The following SLC25A42 variants were observed in gnomAD, a reference collection of about 807,000 sequenced individuals.
SLC25A42 encodes the protein solute carrier family 25 member 42.
In SLC25A42, 19 loss-of-function variants were observed where a neutral mutation model predicts 34.7. That is an observed-to-expected ratio of 0.55 (90% CI 0.38 to 0.80). The LOEUF (loss-of-function observed/expected upper bound fraction) is 0.80. SLC25A42 is among the 30% of genes least tolerant of loss of function. The pLI, the probability that SLC25A42 is intolerant of heterozygous loss-of-function variation, is 0.00. For missense variants in SLC25A42, 364 were observed against 441.3 expected, an observed-to-expected ratio of 0.82 and a Z score of 1.57; for synonymous variants, 205 against 191.2, an observed-to-expected ratio of 1.07 and a Z score of -0.59.
chr19:19,098,013 A>G (rs1177457082), intron 2 of SLC25A42, among the ~76,000 whole-genome samples: 2 of 151,686 alleles, frequency 1.3e-5, no homozygotes, highest in Non-Finnish European at 2.9e-5. Flanking sequence ...TATGGCCAAC[A>G]TGCATCCCAT....
Position 19,112,416 on chromosome 19 carries a change from CT to C in SLC25A42, c.*1541del, listed in dbSNP as rs1455475906. ...GGCAGCCTGTGATGGCTGTGAGGGG[CT>C]GTCCCACTGTGTGGGTATCCCTTAC... On this transcript the variant is annotated 3_prime_UTR_variant, in exon 8 of 8. Transcript: ENST00000318596. The surrounding 1 kb of genome is among the most constrained non-coding windows in gnomAD (Gnocchi z 4.3). The C allele has an allele frequency of 2.6e-5, 4 of 152,356 alleles. No individual in the cohort carries two copies. The highest frequency in any genetic ancestry group is 2.6e-4 in the Admixed American group (4 of 15,270). The allele number at this position is 152,356 out of a possible 1,614,324, so 9.4% of individuals were successfully genotyped here. A position where few individuals can be genotyped will look rare whatever the true frequency, so the allele number is the denominator to read the frequency against.
chr19:19,091,444 A>G (rs919057265), intron 1 of SLC25A42, among the ~76,000 whole-genome samples: 2 of 151,928 alleles, frequency 1.3e-5, no homozygotes, highest in African/African-American at 4.8e-5. Context: ...GGCAACAAGC[A>G]TGAAACTCTG....
In SLC25A42 at chr19:19,096,147, G is replaced by A. The variant is rs1223416165; in HGVS notation, c.23G>A (p.Gly8Asp). The change falls in exon 2 of 8, where the codon GGC becomes GAC. Residue 8 changes from glycine (G) to aspartate (D), a missense_variant. By Grantham distance (94) the Gly-to-Asp change is moderately conservative (BLOSUM62 -1). Coordinates refer to ENST00000318596, the MANE Select transcript of SLC25A42 (RefSeq NM_178526.5). Reference sequence around the variant, plus strand: ...GGTATGGGTAATGGTGTGAAGGAAGGCCCGGTGCGATTGCATGAGGATGCT... The same window carrying A: ...GGTATGGGTAATGGTGTGAAGGAAGACCCGGTGCGATTGCATGAGGATGCT... MGNGVKE[G>D]PVRLHEDAEA... 6.2e-7 allele frequency: 1 copy of A among 1,613,746 alleles called. No individual in the cohort carries two copies.
chr19:19,072,793 C>T (rs1256122110), intron 1 of SLC25A42, among the ~76,000 whole-genome samples: 1 of 152,118 alleles, frequency 6.6e-6, no homozygotes, highest in Non-Finnish European at 1.5e-5. Flanking sequence ...ATCTTCCCAC[C>T]TCAACCTCCT....
chr19:19,106,297 GCCGGCGCAC>G lies in SLC25A42; in HGVS notation c.410_418del (p.Ala137_Leu140delinsVal). On this transcript the variant is annotated inframe_deletion, in exon 6 of 8. Transcript: ENST00000318596. The stretch of plus-strand genomic sequence containing the variant: ...CCTGCCCCCTTGGCCTCGCCTCTTC[GCCGGCGCAC>G]TGGCTGGAACGACAGCCGCTTCACT... The G allele has an allele frequency of 1.2e-6, 2 of 1,612,804 alleles. No homozygotes were observed. Among genetic ancestry groups the G allele is most frequent in the Non-Finnish European group, 1.7e-6 (2 of 1,179,922 alleles).
intron 1 of SLC25A42, among the ~76,000 whole-genome samples, chr19:19,067,817 C>T (rs564268834): frequency 1.3e-5 from 2 of 151,590 alleles, no homozygotes; most frequent in South Asian, 2.1e-4. Flanking sequence ...GAAGCTGTTT[C>T]GAGACTCTCT....
intron 3 of SLC25A42, among the ~76,000 whole-genome samples, chr19:19,102,860 AG>A (rs2059805793): frequency 6.6e-6 from 1 of 152,150 alleles, no homozygotes; most frequent in Non-Finnish European, 1.5e-5. Flanking sequence ...CTCAAACAAC[AG>A]GAATTTCTTC....
chr19:19,096,254 T>TGGGGCCCCCCCC, intron 2 of SLC25A42, 49 bp downstream of exon 2: 4 of 1,456,604 alleles, frequency 2.7e-6, no homozygotes, highest in East Asian at 2.4e-5. Context: ...GGCCCCAGCC[T>TGGGGCCCCCCCC]CCCCACCCCC....
chr19:19,103,713 T>C (rs529441867), intron 3 of SLC25A42, among the ~76,000 whole-genome samples: 4 of 152,238 alleles, frequency 2.6e-5, no homozygotes, highest in African/African-American at 7.2e-5. Flanking sequence ...GCCCCTCAGC[T>C]GTTTGGGAAG....
intron 6 of SLC25A42, 121 bp from the exon 7 acceptor site, chr19:19,107,773 A>T (rs561679300): frequency 1.1e-6 from 1 of 918,484 alleles, no homozygotes; most frequent in South Asian, 1.5e-5. Flanking sequence ...GAAGAAGGAA[A>T]ACATCAACAT....
rs1320177145 is a variant in SLC25A42, at chr19:19,081,927, C to T, written c.-34-14164C>T. On this transcript the variant is annotated intron_variant, in intron 1 of 7. Coordinates refer to ENST00000318596, the MANE Select transcript of SLC25A42 (RefSeq NM_178526.5). The surrounding 1 kb of genome is among the most constrained non-coding windows in gnomAD (Gnocchi z 4.5). ...CTTGGACACTGCCCCTCAGGGAGGC[C>T]GACCTGATCACCTGGTCACTGGTCG... is the stretch of plus-strand genomic sequence containing the variant. Among the ~76,000 whole-genome samples the T allele has an allele frequency of 2.6e-5, 4 of 152,154 alleles. No individual in the cohort carries two copies. The highest frequency in any genetic ancestry group is 1.9e-4 in the East Asian group (1 of 5,194).
intron 1 of SLC25A42, among the ~76,000 whole-genome samples, chr19:19,073,933 C>T (rs887164191): frequency 2.6e-5 from 4 of 152,196 alleles, no homozygotes; most frequent in African/African-American, 7.2e-5. Flanking sequence ...GTCTTGAACT[C>T]GTGGCCTCAA....
intron 3 of SLC25A42, among the ~76,000 whole-genome samples, chr19:19,102,607 G>A (rs2059803925): frequency 6.6e-6 from 1 of 152,154 alleles, no homozygotes; most frequent in South Asian, 2.1e-4. Flanking sequence ...AGCTGGACAT[G>A]GTGGCGGGCA....
intron 7 of SLC25A42, among the ~76,000 whole-genome samples, chr19:19,108,884 A>G (rs1276436656): frequency 1.3e-5 from 2 of 151,470 alleles, no homozygotes; most frequent in African/African-American, 2.4e-5. Flanking sequence ...TTGGCCTCCC[A>G]AAGTGCTGGG....
At chr19:19,070,004 A>G (rs1244547754) in intron 1 of SLC25A42, among the ~76,000 whole-genome samples, 1 of 147,698 alleles carries the variant, frequency 6.8e-6, no homozygotes, top group Non-Finnish European at 1.5e-5. Flanking sequence ...TTTATTTTTT[A>G]TTTTTTTGAG....
chr19:19,073,821 G>T (rs1464401144), intron 1 of SLC25A42, among the ~76,000 whole-genome samples: 2 of 152,152 alleles, frequency 1.3e-5, no homozygotes, highest in African/African-American at 4.8e-5. Flanking sequence ...TGATCCATCT[G>T]CCTTGGCCTC....
Position 19,112,493 on chromosome 19 carries a change from G to A in SLC25A42, c.*1617G>A, listed in dbSNP as rs973526791. On this transcript the variant is annotated 3_prime_UTR_variant, in exon 8 of 8. Coordinates refer to ENST00000318596, the MANE Select transcript of SLC25A42 (RefSeq NM_178526.5). This position sits in a 1 kb window ranked among gnomAD's most constrained non-coding sequence, Gnocchi z 4.3. Reference sequence around the variant, plus strand: ...GCAGGGCAACCCTCACAGGGAGATGGGAGGGCACCCAACTCCCACAAGCAT... The same window carrying A: ...GCAGGGCAACCCTCACAGGGAGATGAGAGGGCACCCAACTCCCACAAGCAT... The A allele has an allele frequency of 6.6e-6, 1 of 152,400 alleles. No individual in the cohort carries two copies. Among genetic ancestry groups the A allele is most frequent in the African/African-American group, 2.4e-5 (1 of 41,448 alleles). The allele number at this position is 152,400 out of a possible 1,614,324, so 9.4% of individuals were successfully genotyped here. A position where few individuals can be genotyped will look rare whatever the true frequency, so the allele number is the denominator to read the frequency against.
intron 1 of SLC25A42, among the ~76,000 whole-genome samples, chr19:19,072,181 G>A (rs2145898349): frequency 6.6e-6 from 1 of 152,270 alleles, no homozygotes; most frequent in Admixed American, 6.5e-5. Context: ...ATGGATCATG[G>A]GGAAGCCATG....
intron 1 of SLC25A42, among the ~76,000 whole-genome samples, chr19:19,091,439 C>T (rs1373617028): frequency 1.3e-5 from 2 of 151,928 alleles, no homozygotes; most frequent in Non-Finnish European, 2.9e-5. Flanking sequence ...GCCTGGGCAA[C>T]AAGCATGAAA....
Sources: gnomAD v4.1 joint callset for allele counts (sites outside exome capture counted in the v4.1 genomes callset) on GRCh38, gnomAD v4.1.1 for gene constraint, Gnocchi (gnomAD v3.1) non-coding constraint, MANE v1.5 for transcripts, NCBI Gene and HGNC (gene_info 2026-07-23, HGNC 2026-07-21) for gene names.